MYO5A: variants seen among roughly 807,000 people sequenced by gnomAD.
The protein encoded by MYO5A is unconventional myosin-Va.
In MYO5A, 98 loss-of-function variants were observed where a neutral mutation model predicts 249.7. The observed-to-expected ratio is 0.39, with a 90% CI of 0.33 to 0.46. The LOEUF is 0.46. MYO5A is among the 20% of genes least tolerant of loss of function. The pLI, the probability that MYO5A is intolerant of heterozygous loss-of-function variation, is 0.98. For missense variants in MYO5A, 1,696 were observed against 2,308.8 expected (o/e 0.73, Z 5.44); for synonymous variants, 778 against 810.6 (o/e 0.96, Z 0.68).
At chr15:52,437,839 C>A (rs958728902) in intron 1 of MYO5A, among the ~76,000 whole-genome samples, 1 of 152,090 alleles carries the variant, frequency 6.6e-6, no homozygotes, top group African/African-American at 2.4e-5. Flanking sequence ...TGCCAAAGAC[C>A]AGATTTCCAA....
At chr15:52,328,688 C>T (rs1301780670) in intron 35 of MYO5A, among the ~76,000 whole-genome samples, 3 of 152,172 alleles carry the variant, frequency 2.0e-5, no homozygotes, top group Non-Finnish European at 2.9e-5. Context: ...ATGTCACTCT[C>T]GTTCTGAGAA....
chr15:52,349,498 G>T (rs1347229496), intron 28 of MYO5A, among the ~76,000 whole-genome samples: 1 of 152,134 alleles, frequency 6.6e-6, no homozygotes. Context: ...AGCCCATTAG[G>T]GTCAGGAGAG....
rs751138510 is a variant in MYO5A, at chr15:52,527,750, AC to A, written c.27+1029del. On this transcript the variant is annotated intron_variant, in intron 1 of 41. Transcript: ENST00000399233. ...CAGTCTTCTTTCCTCTACAAAACAC[AC>A]TGCAACTTGGGCCCTGGACTTCAGT... Among the ~76,000 whole-genome samples, 3 of 152,278 alleles carry A rather than the reference AC, an allele frequency of 2.0e-5. No homozygotes were observed. In the East Asian group the frequency reaches 5.8e-4, roughly 29 times the overall value.
At chr15:52,519,971 C>T (rs1188815992) in intron 1 of MYO5A, among the ~76,000 whole-genome samples, 7 of 152,096 alleles carry the variant, frequency 4.6e-5, no homozygotes, top group African/African-American at 1.4e-4. Flanking sequence ...CCTCATGATC[C>T]GCCCGCCTTG....
chr15:52,493,432 G>C (rs1291318713), intron 1 of MYO5A, among the ~76,000 whole-genome samples: 1 of 152,108 alleles, frequency 6.6e-6, no homozygotes, highest in Non-Finnish European at 1.5e-5. Context: ...AGAGGTCGAG[G>C]CAGGCAGATC....
chr15:52,324,172 A>C (rs1199353229), intron 36 of MYO5A, among the ~76,000 whole-genome samples: 1 of 152,162 alleles, frequency 6.6e-6, no homozygotes, highest in Non-Finnish European at 1.5e-5. Context: ...ACTTAAACCC[A>C]GACTAGATTA....
chr15:52,371,936 G>A (rs2041144002), intron 21 of MYO5A, among the ~76,000 whole-genome samples, 188 bp downstream of exon 21: 1 of 150,752 alleles, frequency 6.6e-6, no homozygotes, highest in Non-Finnish European at 1.5e-5. Flanking sequence ...TCCTGCCTTA[G>A]TTTTTGCAAT....
chr15:52,379,909 C>G lies in MYO5A; in HGVS notation c.2013-1G>C. 1 of 1,614,010 alleles carries G rather than the reference C, an allele frequency of 6.2e-7. No homozygotes were observed. Among genetic ancestry groups the G allele is most frequent in the Non-Finnish European group, 8.5e-7 (1 of 1,179,932 alleles). The stretch of plus-strand genomic sequence containing the variant: ...CTGCACTGCCCTCTTCTCATCAAAC[C>G]TACAAATAAAAATCAAAGCTGTTAG... On this transcript the variant is annotated splice_acceptor_variant, in intron 16 of 41. Transcript: ENST00000399233. LOFTEE classifies it high-confidence loss of function.
intron 1 of MYO5A, among the ~76,000 whole-genome samples, chr15:52,496,591 G>A (rs895500316): frequency 6.6e-6 from 1 of 152,144 alleles, no homozygotes; most frequent in Admixed American, 6.5e-5. Context: ...GGATCTAGAG[G>A]AGCTTTGAAA....
At chr15:52,443,530 G>C (rs148290679) in intron 1 of MYO5A, among the ~76,000 whole-genome samples, 2,029 of 151,738 alleles carry the variant, frequency 0.013, 26 homozygotes, top group Non-Finnish European at 0.021. Flanking sequence ...GGCCAACATG[G>C]AGAAACCCCG....
At chr15:52,327,468 G>C (rs973805949) in intron 36 of MYO5A, among the ~76,000 whole-genome samples, 1 of 152,146 alleles carries the variant, frequency 6.6e-6, no homozygotes, top group Non-Finnish European at 1.5e-5. Context: ...AGTATTTTGG[G>C]AAGTTGAAGG....
intron 36 of MYO5A, among the ~76,000 whole-genome samples, chr15:52,327,454 T>C (rs1436160674): frequency 6.6e-6 from 1 of 152,160 alleles, no homozygotes; most frequent in Non-Finnish European, 1.5e-5. Flanking sequence ...ACACCTGTAA[T>C]CTCAGTATTT....
At chr15:52,464,202 T>C (rs1367864026) in intron 1 of MYO5A, among the ~76,000 whole-genome samples, 1 of 152,206 alleles carries the variant, frequency 6.6e-6, no homozygotes, top group Non-Finnish European at 1.5e-5. Context: ...TTCAGGTACC[T>C]CATTGTGCTG....
intron 1 of MYO5A, among the ~76,000 whole-genome samples, chr15:52,524,686 T>C (rs139938104): frequency 6.6e-6 from 1 of 152,148 alleles, no homozygotes; most frequent in East Asian, 1.9e-4. Context: ...AAGACCAGCC[T>C]GGGCAACATA....
intron 14 of MYO5A, among the ~76,000 whole-genome samples, chr15:52,384,572 G>T (rs1423476535): frequency 6.6e-6 from 1 of 152,152 alleles, no homozygotes; most frequent in Non-Finnish European, 1.5e-5. Context: ...CAAAACTACT[G>T]CACCCGGACT....
chr15:52,452,591 T>C (rs1352819629), intron 1 of MYO5A, among the ~76,000 whole-genome samples: 4 of 152,110 alleles, frequency 2.6e-5, no homozygotes, highest in African/African-American at 9.7e-5. Flanking sequence ...AGGAGGTATA[T>C]TCCATAATTC....
intron 1 of MYO5A, among the ~76,000 whole-genome samples, chr15:52,489,674 T>G (rs1020207722): frequency 6.6e-6 from 1 of 151,546 alleles, no homozygotes; most frequent in Non-Finnish European, 1.5e-5. Flanking sequence ...TGATAAAAGA[T>G]TCATACCCAG....
chr15:52,446,762 G>A (rs1279468203), intron 1 of MYO5A, among the ~76,000 whole-genome samples: 3 of 152,216 alleles, frequency 2.0e-5, no homozygotes, highest in Non-Finnish European at 4.4e-5. Context: ...CTATCAGTGT[G>A]CCCTGGATGG....
At position 52,308,415 on chromosome 15, in the gene MYO5A, A is replaced by C. The variant is rs187550793; in HGVS notation, c.*5281T>G. 2 of 152,232 alleles carry C rather than the reference A, an allele frequency of 1.3e-5. No individual in the cohort carries two copies. Among genetic ancestry groups the C allele is most frequent in the African/African-American group, 2.4e-5 (1 of 41,462 alleles). The allele number at this position is 152,232 out of a possible 1,614,324, so 9.4% of individuals were successfully genotyped here. A position where few individuals can be genotyped will look rare whatever the true frequency, so the allele number is the denominator to read the frequency against. On this transcript the variant is annotated 3_prime_UTR_variant, in exon 42 of 42. Coordinates refer to ENST00000399233, the MANE Select transcript of MYO5A (RefSeq NM_001382347.1). ...TTTTATAGTACAGGGTTCTTAAAAA[A>C]TTTTGAAAAGAATGTCCACAAAAAG...
Sources: gnomAD v4.1 joint callset for allele counts (sites outside exome capture counted in the v4.1 genomes callset) on GRCh38, gnomAD v4.1.1 for gene constraint, MANE v1.5 for transcripts, NCBI Gene and HGNC (gene_info 2026-07-23, HGNC 2026-07-21) for gene names.